RABGEF1: variants seen among roughly 807,000 people sequenced by gnomAD.
The protein encoded by RABGEF1 is RAB guanine nucleotide exchange factor 1.
A neutral mutation model predicts 57.3 loss-of-function variants in RABGEF1; 26 were observed. The observed-to-expected ratio is 0.45, with a 90% confidence interval of 0.33 to 0.63. The LOEUF is 0.63. Ranked by LOEUF, RABGEF1 falls within the 20% of genes least tolerant of loss-of-function variation. The pLI, the probability that RABGEF1 is intolerant of heterozygous loss-of-function variation, is 0.02. For synonymous variants in RABGEF1, 185 were observed against 210.7 expected, an observed-to-expected ratio of 0.88 and a Z score of 1.06; for missense variants, 464 against 607.6, an observed-to-expected ratio of 0.76 and a Z score of 2.48.
intron 2 of RABGEF1, among the ~76,000 whole-genome samples, chr7:66,729,078 G>A (rs1371556524): frequency 1.3e-5 from 2 of 151,716 alleles, no homozygotes; most frequent in African/African-American, 4.8e-5. Context: ...AGCCTCCCGA[G>A]TAGCTGGGAC....
intron 2 of RABGEF1, among the ~76,000 whole-genome samples, chr7:66,772,397 A>T (rs1403990559): frequency 2.0e-5 from 3 of 152,140 alleles, no homozygotes; most frequent in Non-Finnish European, 4.4e-5. Flanking sequence ...GAGCTAATAA[A>T]TTTGACGTAC....
upstream of RABGEF1, among the ~76,000 whole-genome samples, chr7:66,739,606 A>G (rs2707852): frequency 0.5 from 73,495 of 145,734 alleles, 19,349 homozygotes; most frequent in East Asian, 0.74. Context: ...AGGTTGCAGT[A>G]AGCCGAGATC....
intron 1 of RABGEF1, among the ~76,000 whole-genome samples, chr7:66,693,049 C>T (rs751465403): frequency 6.6e-6 from 1 of 152,158 alleles, no homozygotes; most frequent in Non-Finnish European, 1.5e-5. Context: ...AGCAGTGAGC[C>T]GGCTGGTCCC....
At chr7:66,681,231 A>G (rs1427487636), upstream of RABGEF1, among the ~76,000 whole-genome samples, 1 of 152,180 alleles carries the variant, frequency 6.6e-6, no homozygotes, top group African/African-American at 2.4e-5. Context: ...ACCTTTCACC[A>G]TAGATGGCAT....
chr7:66,691,728 G>A (rs4718385), intron 1 of RABGEF1, among the ~76,000 whole-genome samples: 32,119 of 151,854 alleles, frequency 0.21, 3,885 homozygotes, highest in East Asian at 0.31. Flanking sequence ...CAAACTGAAG[G>A]CTAATGTAAG....
intron 1 of RABGEF1, among the ~76,000 whole-genome samples, chr7:66,758,852 T>C (rs758156409): frequency 6.6e-6 from 1 of 152,224 alleles, no homozygotes; most frequent in Non-Finnish European, 1.5e-5. Context: ...ATAGGTGTTA[T>C]TTTTATTAAA....
At chr7:66,658,658 C>G in the RABGEF1 span, among the ~76,000 whole-genome samples, 2 of 152,148 alleles carry the variant, frequency 1.3e-5, no homozygotes, top group Admixed American at 1.3e-4. Flanking sequence ...CCAGTGAATT[C>G]TACCAGACAT....
rs1472261894 is a variant in RABGEF1, at chr7:66,810,299, A to G, written c.*1015A>G. On this transcript the variant is annotated 3_prime_UTR_variant, in exon 9 of 9. Transcript: ENST00000284957. The stretch of plus-strand genomic sequence containing the variant: ...GGACTATTCATATTAGTGGCCTGAG[A>G]GGTGTTTGTTGTGGGGCCACCCTGT... 1 of 152,162 alleles carries G rather than the reference A, an allele frequency of 6.6e-6. No individual in the cohort carries two copies. The highest frequency in any genetic ancestry group is 1.5e-5 in the Non-Finnish European group (1 of 68,032). 9.4% of individuals were successfully genotyped at this position (152,162 alleles called of 1,614,324 possible). A position where few individuals can be genotyped will look rare whatever the true frequency, so the allele number is the denominator to read the frequency against.
intron 2 of RABGEF1, among the ~76,000 whole-genome samples, chr7:66,716,624 A>AT (rs1419524173): frequency 6.6e-6 from 1 of 151,796 alleles, no homozygotes; most frequent in Admixed American, 6.7e-5. Context: ...AAATAAATAA[A>AT]ACAGCAGCAA....
intron 5 of RABGEF1, 112 bp from the exon 6 acceptor site, chr7:66,797,262 C>G: frequency 8.8e-7 from 1 of 1,139,576 alleles, no homozygotes; most frequent in Admixed American, 3.2e-5. Context: ...CAAGGTCATG[C>G]TGCTGCACTC....
intron 8 of RABGEF1, among the ~76,000 whole-genome samples, chr7:66,807,534 C>T (rs1322470126): frequency 6.6e-6 from 1 of 152,216 alleles, no homozygotes; most frequent in Non-Finnish European, 1.5e-5. Flanking sequence ...ACAGAGCTGT[C>T]ACTCACTGTG....
chr7:66,754,840 A>G (rs1387566696), intron 1 of RABGEF1, among the ~76,000 whole-genome samples: 2 of 152,186 alleles, frequency 1.3e-5, no homozygotes, highest in Non-Finnish European at 2.9e-5. Context: ...TTATGGATGA[A>G]ATGGCTACAG....
intron 1 of RABGEF1, among the ~76,000 whole-genome samples, chr7:66,698,336 G>A (rs201113954): frequency 6.6e-6 from 1 of 152,136 alleles, no homozygotes; most frequent in East Asian, 1.9e-4. Flanking sequence ...AACCCCCAGG[G>A]CAAGGCCTGT....
the RABGEF1 span, among the ~76,000 whole-genome samples, chr7:66,662,220 C>T: frequency 6.8e-6 from 1 of 146,998 alleles, no homozygotes; most frequent in Non-Finnish European, 1.5e-5. Context: ...GCCTGGGTGA[C>T]AGAGCGAGAC....
intron 1 of RABGEF1, among the ~76,000 whole-genome samples, chr7:66,760,697 C>T (rs755846526): frequency 6.6e-6 from 1 of 152,144 alleles, no homozygotes; most frequent in African/African-American, 2.4e-5. Flanking sequence ...CCGTCTCAGC[C>T]TCCCAAAGTG....
At chr7:66,750,552 T>G (rs924736720) in intron 1 of RABGEF1, among the ~76,000 whole-genome samples, 3 of 152,246 alleles carry the variant, frequency 2.0e-5, no homozygotes, top group African/African-American at 7.2e-5. Flanking sequence ...ATTTTTGCCT[T>G]TTTAATACTT....
intron 4 of RABGEF1, among the ~76,000 whole-genome samples, chr7:66,784,202 G>A (rs1310295935): frequency 1.3e-5 from 2 of 152,132 alleles, no homozygotes; most frequent in Admixed American, 6.5e-5. Context: ...TAATTTTAAG[G>A]GTTGTTGTTG....
At position 66,809,072 on chromosome 7, in the gene RABGEF1, G is replaced by A. The variant is rs772254607; in HGVS notation, c.1264G>A (p.Glu422Lys). Residue 422 changes from glutamate (E) to lysine (K), a missense_variant, in exon 9 of 9, where the codon GAA becomes AAA. By Grantham distance (56) the Glu-to-Lys change is moderately conservative (BLOSUM62 1). Transcript: ENST00000284957. ...KNLDLLSQLN[E>K]RQERIMNEAK... ...CTTGGATCTCTTGTCTCAGTTGAAT[G>A]AACGACAAGAAAGGATCATGAATGA... 74 of 1,614,104 alleles carry A rather than the reference G, an allele frequency of 4.6e-5. No individual in the cohort carries two copies. The Admixed American group carries it at 1.2e-3, about 26-fold the overall frequency.
At chr7:66,656,311 C>T in the RABGEF1 span, among the ~76,000 whole-genome samples, 1 of 152,098 alleles carries the variant, frequency 6.6e-6, no homozygotes, top group African/African-American at 2.4e-5. Flanking sequence ...AAGATGGAGT[C>T]TTGGTGTGTT....
Sources: gnomAD v4.1 joint callset for allele counts (sites outside exome capture counted in the v4.1 genomes callset) on GRCh38, gnomAD v4.1.1 for gene constraint, MANE v1.5 for transcripts, NCBI Gene and HGNC (gene_info 2026-07-23, HGNC 2026-07-21) for gene names.